Variants in LRRC4C observed in about 807,000 individuals in gnomAD.
LRRC4C encodes the protein leucine rich repeat containing 4C.
LRRC4C carries 5 observed loss-of-function variants against 33.6 expected under a neutral mutation model. The ratio of observed to expected loss-of-function variants is 0.15; its 90% CI spans 0.08 to 0.31. LRRC4C has a LOEUF of 0.31. Among genes scored for constraint, LRRC4C ranks in the 10% least tolerant of loss-of-function variants. The pLI is 1.00. For missense variants in LRRC4C, 560 were observed against 796.7 expected, an observed-to-expected ratio of 0.70 and a Z score of 3.58; for synonymous variants, 329 against 302.0, an observed-to-expected ratio of 1.09 and a Z score of -0.93.
chr11:40,923,591 C>T (rs1957282983), intron 2 of LRRC4C, among the ~76,000 whole-genome samples: 1 of 152,160 alleles, frequency 6.6e-6, no homozygotes, highest in African/African-American at 2.4e-5. Context: ...TGACATAGAA[C>T]AGAGCTGTCT....
chr11:41,330,290 A>G (rs886108547), intron 1 of LRRC4C, among the ~76,000 whole-genome samples: 4 of 152,000 alleles, frequency 2.6e-5, no homozygotes, highest in Non-Finnish European at 5.9e-5. Context: ...TTGAATTCTC[A>G]TTACTGTTGT....
intron 5 of LRRC4C, among the ~76,000 whole-genome samples, chr11:40,236,526 C>T (rs2136055110): frequency 6.6e-6 from 1 of 152,282 alleles, no homozygotes; most frequent in South Asian, 2.1e-4. Context: ...CTCCTCACCA[C>T]CACCTTCACA....
At chr11:40,840,241 G>A (rs1952855141) in intron 2 of LRRC4C, among the ~76,000 whole-genome samples, 2 of 152,042 alleles carry the variant, frequency 1.3e-5, no homozygotes, top group African/African-American at 4.8e-5. Flanking sequence ...ACAGATATAA[G>A]CATAAATCAA....
chr11:40,839,759 G>A (rs909973390), intron 2 of LRRC4C, among the ~76,000 whole-genome samples: 1 of 152,166 alleles, frequency 6.6e-6, no homozygotes, highest in Non-Finnish European at 1.5e-5. Flanking sequence ...GTGACTTACA[G>A]GGTCACTTAC....
intron 1 of LRRC4C, among the ~76,000 whole-genome samples, chr11:41,348,187 A>C (rs1951860289): frequency 6.6e-6 from 1 of 152,248 alleles, no homozygotes; most frequent in Non-Finnish European, 1.5e-5. Context: ...GAATTCTGTA[A>C]GGCATTAGTG....
intron 6 of LRRC4C, among the ~76,000 whole-genome samples, chr11:40,116,884 A>G (rs1855477296): frequency 6.6e-6 from 1 of 152,212 alleles, no homozygotes; most frequent in Non-Finnish European, 1.5e-5. Context: ...TTATAAAAAA[A>G]GTGTTAATAA....
At chr11:40,939,190 G>C (rs892427617) in intron 1 of LRRC4C, among the ~76,000 whole-genome samples, 36 of 152,072 alleles carry the variant, frequency 2.4e-4, no homozygotes, top group African/African-American at 8.5e-4. Context: ...GAACATTAGT[G>C]TTTTCACAAT....
At chr11:41,414,072 G>C (rs1415276660) in intron 1 of LRRC4C, among the ~76,000 whole-genome samples, 1 of 152,136 alleles carries the variant, frequency 6.6e-6, no homozygotes, top group Admixed American at 6.5e-5. Flanking sequence ...CATTTTCTCT[G>C]ACTTGCTACA....
chr11:41,157,145 A>T, intron 1 of LRRC4C, among the ~76,000 whole-genome samples: 1 of 152,082 alleles, frequency 6.6e-6, no homozygotes, highest in East Asian at 1.9e-4. Flanking sequence ...ACAGAAGTAA[A>T]TTTCTGTTCT....
chr11:40,897,079 T>A lies in LRRC4C; in HGVS notation c.-407+36556A>T, dbSNP rs148543465. Among the ~76,000 whole-genome samples, 34 of 152,290 alleles carry A rather than the reference T, an allele frequency of 2.2e-4. No homozygotes were observed. In the South Asian group the frequency reaches 3.1e-3, roughly 14 times the overall value. ...TGTATGTTTATAACAAAAGAGAAAT[T>A]TGCAATGACTATTCAGTGTTCAGAT... On this transcript the variant is annotated intron_variant, in intron 2 of 6. Transcript: ENST00000528697.
At chr11:40,736,675 G>C (rs746577453) in intron 2 of LRRC4C, among the ~76,000 whole-genome samples, 1 of 152,024 alleles carries the variant, frequency 6.6e-6, no homozygotes, top group Non-Finnish European at 1.5e-5. Context: ...TCCAGTATCT[G>C]TTGTTTCCTG....
At chr11:40,723,738 A>C (rs1482521243) in intron 2 of LRRC4C, among the ~76,000 whole-genome samples, 1 of 152,162 alleles carries the variant, frequency 6.6e-6, no homozygotes, top group African/African-American at 2.4e-5. Context: ...CCATCATGAC[A>C]GGAGAAAAAC....
At chr11:40,787,276 G>A (rs922140374) in intron 2 of LRRC4C, among the ~76,000 whole-genome samples, 5 of 152,146 alleles carry the variant, frequency 3.3e-5, no homozygotes, top group African/African-American at 9.7e-5. Context: ...GGGGTAGGGG[G>A]AGGAACAGAG....
intron 1 of LRRC4C, among the ~76,000 whole-genome samples, chr11:41,414,216 T>C (rs1049830600): frequency 6.6e-6 from 1 of 152,154 alleles, no homozygotes; most frequent in Non-Finnish European, 1.5e-5. Context: ...ACTTCCTATG[T>C]TCCCGAATTT....
chr11:40,216,216 G>C (rs1863968680), intron 5 of LRRC4C, among the ~76,000 whole-genome samples: 1 of 152,152 alleles, frequency 6.6e-6, no homozygotes, highest in Non-Finnish European at 1.5e-5. Flanking sequence ...TTTTATGTAA[G>C]TTTAAAAATG....
chr11:40,962,895 A>G (rs1420594248), intron 1 of LRRC4C, among the ~76,000 whole-genome samples: 1 of 151,750 alleles, frequency 6.6e-6, no homozygotes, highest in Non-Finnish European at 1.5e-5. Context: ...TGAGATAAAC[A>G]GGACAGGAAG....
chr11:40,576,714 G>A (rs1264231012), intron 3 of LRRC4C, among the ~76,000 whole-genome samples: 5 of 152,114 alleles, frequency 3.3e-5, no homozygotes, highest in African/African-American at 9.6e-5. Flanking sequence ...ATTGTGGTTG[G>A]CATACAAAAT....
intron 1 of LRRC4C, among the ~76,000 whole-genome samples, chr11:41,165,652 T>A (rs934003202): frequency 6.6e-6 from 1 of 152,100 alleles, no homozygotes; most frequent in Non-Finnish European, 1.5e-5. Context: ...GAAGCTAAAT[T>A]ATGCACCATC....
At chr11:40,701,249 C>T (rs1241020992) in intron 2 of LRRC4C, among the ~76,000 whole-genome samples, 1 of 152,084 alleles carries the variant, frequency 6.6e-6, no homozygotes, top group East Asian at 1.9e-4. Context: ...TGTTTCCTTT[C>T]CGAACCACAG....
Sources: gnomAD v4.1 joint callset for allele counts (sites outside exome capture counted in the v4.1 genomes callset) on GRCh38, gnomAD v4.1.1 for gene constraint, MANE v1.5 for transcripts, NCBI Gene and HGNC (gene_info 2026-07-23, HGNC 2026-07-21) for gene names.